Variants in NBEA observed in about 807,000 individuals in gnomAD.
NBEA encodes lysosomal-trafficking regulator 2.
In NBEA, 44 loss-of-function variants were observed where a neutral mutation model predicts 343.4. That is an observed-to-expected ratio of 0.13 (90% CI 0.10 to 0.16). The LOEUF (loss-of-function observed/expected upper bound fraction) is 0.16, where lower values mean the gene tolerates loss of function less well. Among genes scored for constraint, NBEA ranks in the 10% least tolerant of loss-of-function variants. The pLI is 1.00. For synonymous variants in NBEA, 1,175 were observed against 1,238.7 expected (o/e 0.95, Z 1.08); for missense variants, 2,555 against 3,631.3 (o/e 0.70, Z 7.62).
chr13:35,135,250 C>T (rs2067653241), intron 17 of NBEA, among the ~76,000 whole-genome samples: 1 of 151,966 alleles, frequency 6.6e-6, no homozygotes, highest in African/African-American at 2.4e-5. Flanking sequence ...CCATTCTAGC[C>T]TCAAAATAAA....
intron 11 of NBEA, among the ~76,000 whole-genome samples, chr13:35,106,349 T>TC (rs1566293706): frequency 6.6e-6 from 1 of 151,900 alleles, no homozygotes; most frequent in Non-Finnish European, 1.5e-5. Context: ...AAAAGCAGAG[T>TC]CAGAGATCTT....
At chr13:35,232,436 ATTT>A in intron 33 of NBEA, 53 bp from the exon 34 acceptor site, 1 of 1,169,648 alleles carries the variant, frequency 8.5e-7, no homozygotes, top group Non-Finnish European at 1.2e-6. Flanking sequence ...AGTAAAGTTT[ATTT>A]GACATTTTAT....
At chr13:35,206,460 C>T (rs1038332102) in intron 31 of NBEA, among the ~76,000 whole-genome samples, 2 of 152,038 alleles carry the variant, frequency 1.3e-5, no homozygotes, top group South Asian at 2.1e-4. Flanking sequence ...ATCTTCAAAT[C>T]GACAGTTGAT....
rs1406821619 is a variant in NBEA at position 35,626,905 on chromosome 13, A to G, written c.7450-1176A>G. On this transcript the variant is annotated intron_variant, in intron 48 of 58. Coordinates refer to ENST00000379939, the MANE Select transcript of NBEA (RefSeq NM_001385012.1). ...AAAATGTCATTGTTTACATTGCTGA[A>G]TGAGAAACATCCACACTAATTGGTG... 2.6e-5 allele frequency among the ~76,000 whole-genome samples: 4 copies of G among 152,202 alleles called. No homozygotes were observed. In the East Asian group the frequency reaches 7.7e-4, roughly 29 times the overall value.
At chr13:35,155,922 A>G in intron 19 of NBEA, 67 bp downstream of exon 19, 1 of 1,521,606 alleles carries the variant, frequency 6.6e-7, no homozygotes. Context: ...CTAAATCAAA[A>G]CTTTTCCTAA....
At chr13:35,156,550 T>C (rs2069186132) in intron 20 of NBEA, among the ~76,000 whole-genome samples, 1 of 152,150 alleles carries the variant, frequency 6.6e-6, no homozygotes, top group Non-Finnish European at 1.5e-5. Context: ...ATCTATGCTT[T>C]CCACCCCATA....
At chr13:35,289,806 A>G (rs942390615) in intron 34 of NBEA, among the ~76,000 whole-genome samples, 3 of 151,730 alleles carry the variant, frequency 2.0e-5, no homozygotes, top group Non-Finnish European at 4.4e-5. Flanking sequence ...TCTGCTATCT[A>G]TTTGGGGAGA....
At chr13:35,303,551 C>A (rs1042394498) in intron 35 of NBEA, among the ~76,000 whole-genome samples, 9 of 152,034 alleles carry the variant, frequency 5.9e-5, no homozygotes, top group Non-Finnish European at 1.2e-4. Context: ...AGTCTGGGTG[C>A]CTTCATGAAT....
intron 1 of NBEA, among the ~76,000 whole-genome samples, chr13:34,958,940 T>G (rs2059578428): frequency 6.6e-6 from 1 of 152,140 alleles, no homozygotes; most frequent in Non-Finnish European, 1.5e-5. Context: ...CACTATTATG[T>G]CAAACCTTTC....
chr13:35,256,902 G>A (rs1333100743), intron 34 of NBEA, among the ~76,000 whole-genome samples: 1 of 152,242 alleles, frequency 6.6e-6, no homozygotes, highest in Admixed American at 6.5e-5. Flanking sequence ...AGGGTCTGGA[G>A]CCATGGCTGG....
chr13:35,289,105 A>G (rs1182995066), intron 34 of NBEA, among the ~76,000 whole-genome samples: 1 of 151,872 alleles, frequency 6.6e-6, no homozygotes, highest in Non-Finnish European at 1.5e-5. Flanking sequence ...TCCACTACCT[A>G]CAATAAATAT....
intron 41 of NBEA, among the ~76,000 whole-genome samples, chr13:35,548,052 G>A (rs984570056): frequency 7.2e-5 from 11 of 152,134 alleles, no homozygotes; most frequent in East Asian, 1.9e-4. Flanking sequence ...GAGAACAGGC[G>A]CCTGCCAAGT....
intron 38 of NBEA, among the ~76,000 whole-genome samples, chr13:35,364,136 T>G (rs673501): frequency 4.0e-5 from 6 of 151,708 alleles, no homozygotes. Context: ...CCAAAACATA[T>G]TTCTCTTATG....
At chr13:35,477,799 G>GT (rs2075943891) in intron 41 of NBEA, among the ~76,000 whole-genome samples, 1 of 152,214 alleles carries the variant, frequency 6.6e-6, no homozygotes, top group African/African-American at 2.4e-5. Flanking sequence ...TATCTGGGGG[G>GT]TTTTTTGGAT....
chr13:34,949,901 AAGAT>A (rs916167955), intron 1 of NBEA, among the ~76,000 whole-genome samples: 1 of 152,162 alleles, frequency 6.6e-6, no homozygotes, highest in African/African-American at 2.4e-5. Flanking sequence ...TATTGTGTCT[AAGAT>A]AGCCATGTTA....
At chr13:34,959,891 C>T (rs2152490418) in intron 1 of NBEA, among the ~76,000 whole-genome samples, 1 of 152,174 alleles carries the variant, frequency 6.6e-6, no homozygotes, top group Admixed American at 6.6e-5. Context: ...ATAGCACATA[C>T]AGTTATGTAC....
At chr13:35,621,920 T>C (rs1179502415) in intron 48 of NBEA, among the ~76,000 whole-genome samples, 1 of 152,228 alleles carries the variant, frequency 6.6e-6, no homozygotes, top group African/African-American at 2.4e-5. Flanking sequence ...AATGAAGTGC[T>C]AATTGGCAAT....
chr13:35,578,115 T>A (rs967382535), intron 45 of NBEA, among the ~76,000 whole-genome samples: 1 of 152,232 alleles, frequency 6.6e-6, no homozygotes, highest in African/African-American at 2.4e-5. Context: ...AGTATTGAGA[T>A]AACTAAAAGC....
intron 47 of NBEA, among the ~76,000 whole-genome samples, chr13:35,595,402 A>T (rs1010619807): frequency 6.6e-6 from 1 of 152,048 alleles, no homozygotes; most frequent in Non-Finnish European, 1.5e-5. Flanking sequence ...GGATGACATT[A>T]CACAGATTGC....
Sources: allele counts gnomAD v4.1 joint callset (sites outside exome capture counted in the v4.1 genomes callset), GRCh38; gene constraint gnomAD v4.1.1; transcripts MANE v1.5; gene names NCBI Gene and HGNC (gene_info 2026-07-23, HGNC 2026-07-21).